The following NRXN1 variants were observed in gnomAD, a reference collection of about 807,000 sequenced individuals.
The protein encoded by NRXN1 is neurexin 1, also known as neurexin-1.
In NRXN1, 39 loss-of-function variants were observed where a neutral mutation model predicts 150.9. That is an observed-to-expected ratio of 0.26 (90% CI 0.20 to 0.34). NRXN1 has a LOEUF of 0.34. Ranked by LOEUF, NRXN1 falls within the 10% of genes least tolerant of loss-of-function variation. The pLI is 1.00. For synonymous variants in NRXN1, 924 were observed against 757.0 expected (o/e 1.22, Z -3.62); for missense variants, 1,815 against 1,949.9 (o/e 0.93, Z 1.30).
At chr2:50,995,896 T>C (rs1699213918) in intron 2 of NRXN1, among the ~76,000 whole-genome samples, 1 of 152,046 alleles carries the variant, frequency 6.6e-6, no homozygotes, top group African/African-American at 2.4e-5. Flanking sequence ...TCTCTCAGGG[T>C]AGGGAGGGAT....
intron 5 of NRXN1, among the ~76,000 whole-genome samples, chr2:50,850,672 C>T (rs1476914752): frequency 6.6e-6 from 1 of 151,980 alleles, no homozygotes; most frequent in East Asian, 1.9e-4. Context: ...GCTTAAAGAG[C>T]CATTTATTAT....
In NRXN1 at chr2:50,772,760, C is replaced by G. The variant is rs539452785; in HGVS notation, c.832+149109G>C. 3.7e-4 allele frequency among the ~76,000 whole-genome samples: 56 copies of G among 152,154 alleles called. 1 individual carries two copies. The highest frequency in any genetic ancestry group is 1.3e-3 in the African/African-American group (56 of 41,522). ...TGGGCCAATGTCCACACAGAGGTAA[C>G]TTTCCATGTAAAAAATTGGCAGGAA... On this transcript the variant is annotated intron_variant, in intron 5 of 22. Coordinates refer to ENST00000401669, the MANE Select transcript of NRXN1 (RefSeq NM_001330078.2).
In NRXN1 at chr2:50,062,509, T is replaced by C. The variant is rs576645235; in HGVS notation, c.3719-7465A>G. Among the ~76,000 whole-genome samples, 123 of 152,254 alleles carry C rather than the reference T, an allele frequency of 8.1e-4. 1 individual carries two copies. Among genetic ancestry groups the C allele is most frequent in the South Asian group, 6.6e-3 (32 of 4,824 alleles). On this transcript the variant is annotated intron_variant, in intron 19 of 22. Transcript: ENST00000401669. ...TTATCATTGCCCAAATGGACAAAAATACCATGTAACAATATTTGGTCACAT... is the reference window on the plus strand; with the variant it reads ...TTATCATTGCCCAAATGGACAAAAACACCATGTAACAATATTTGGTCACAT...
intron 18 of NRXN1, among the ~76,000 whole-genome samples, chr2:50,120,832 T>A (rs111982161): frequency 4.6e-5 from 7 of 152,298 alleles, no homozygotes; most frequent in African/African-American, 1.7e-4. Flanking sequence ...GCCACAAAAG[T>A]TATATTTCCA....
intron 17 of NRXN1, among the ~76,000 whole-genome samples, chr2:50,300,138 T>C (rs572333203): frequency 6.6e-6 from 1 of 152,170 alleles, no homozygotes; most frequent in Non-Finnish European, 1.5e-5. Flanking sequence ...TTAATGGACA[T>C]TTGTAAGCTA....
At chr2:50,836,733 A>G (rs1181730771) in intron 5 of NRXN1, among the ~76,000 whole-genome samples, 1 of 151,958 alleles carries the variant, frequency 6.6e-6, no homozygotes, top group African/African-American at 2.4e-5. Flanking sequence ...ATGGACACCC[A>G]GGTTGCTTCC....
At chr2:50,858,116 AAGAC>A (rs1675538403) in intron 5 of NRXN1, among the ~76,000 whole-genome samples, 1 of 151,804 alleles carries the variant, frequency 6.6e-6, no homozygotes, top group African/African-American at 2.4e-5. Context: ...CGAATGGATA[AAGAC>A]AAACTTTGGA....
At chr2:50,479,593 A>G (rs374105240) in intron 15 of NRXN1, among the ~76,000 whole-genome samples, 1 of 148,540 alleles carries the variant, frequency 6.7e-6, no homozygotes, top group African/African-American at 2.5e-5. Flanking sequence ...TTGTTGACTC[A>G]CTGAATGAAT....
chr2:50,981,159 T>G (rs1696722924), intron 2 of NRXN1, among the ~76,000 whole-genome samples: 1 of 151,952 alleles, frequency 6.6e-6, no homozygotes, highest in South Asian at 2.1e-4. Context: ...TTCCCAATAT[T>G]ATAAGAAACA....
intron 17 of NRXN1, among the ~76,000 whole-genome samples, chr2:50,445,014 G>T (rs2086277546): frequency 6.6e-6 from 1 of 152,020 alleles, no homozygotes; most frequent in African/African-American, 2.4e-5. Flanking sequence ...CAAAATAACT[G>T]GCATGCAGGA....
intron 17 of NRXN1, among the ~76,000 whole-genome samples, chr2:50,442,311 T>A (rs2086025060): frequency 6.6e-6 from 1 of 152,040 alleles, no homozygotes; most frequent in South Asian, 2.1e-4. Context: ...TCTATATATA[T>A]GAAATATTAC....
At chr2:50,801,563 G>T (rs755706013) in intron 5 of NRXN1, among the ~76,000 whole-genome samples, 1 of 152,064 alleles carries the variant, frequency 6.6e-6, no homozygotes, top group Admixed American at 6.6e-5. Flanking sequence ...TATGACACAA[G>T]CTTTGATATT....
rs79898652 is a variant in NRXN1, at chr2:50,470,900, T to C, written c.3244+1398A>G. Among the ~76,000 whole-genome samples, 26 of 151,898 alleles carry C rather than the reference T, an allele frequency of 1.7e-4. No individual in the cohort carries two copies. The East Asian group carries it at 4.9e-3, about 28-fold the overall frequency. The stretch of plus-strand genomic sequence containing the variant: ...ATAGAGAGCACAAAAGAAAAGAAGA[T>C]ACTTCAGTGCATTTCTGATATAGGA... On this transcript the variant is annotated intron_variant, in intron 16 of 22. Coordinates refer to ENST00000401669, the MANE Select transcript of NRXN1 (RefSeq NM_001330078.2).
chr2:51,011,349 C>T (rs1224712606), intron 2 of NRXN1, among the ~76,000 whole-genome samples: 2 of 151,832 alleles, frequency 1.3e-5, no homozygotes, highest in African/African-American at 2.4e-5. Context: ...GTAAGTGCTC[C>T]CCTGGGGACT....
At chr2:50,617,350 T>C (rs1050406144) in intron 8 of NRXN1, among the ~76,000 whole-genome samples, 1 of 151,670 alleles carries the variant, frequency 6.6e-6, no homozygotes, top group Non-Finnish European at 1.5e-5. Flanking sequence ...GCAGGAGAAT[T>C]GCTTGAACCC....
chr2:50,011,380 C>G (rs1383576961), intron 21 of NRXN1, among the ~76,000 whole-genome samples: 1 of 152,114 alleles, frequency 6.6e-6, no homozygotes, highest in Non-Finnish European at 1.5e-5. Context: ...GGCAGATACA[C>G]AGAAATAAAC....
chr2:49,968,004 A>G (rs1677250511), intron 21 of NRXN1, among the ~76,000 whole-genome samples: 1 of 152,048 alleles, frequency 6.6e-6, no homozygotes, highest in Admixed American at 6.6e-5. Context: ...AAATAATACT[A>G]TTGATGACCA....
chr2:50,337,635 G>T (rs1396351226), intron 17 of NRXN1, among the ~76,000 whole-genome samples: 1 of 152,032 alleles, frequency 6.6e-6, no homozygotes, highest in African/African-American at 2.4e-5. Context: ...GATATAATTG[G>T]CCATTTACTA....
chr2:49,962,025 T>C (rs1676051970), intron 21 of NRXN1, among the ~76,000 whole-genome samples: 1 of 152,104 alleles, frequency 6.6e-6, no homozygotes, highest in Non-Finnish European at 1.5e-5. Flanking sequence ...GGAGGGTCAC[T>C]TGAGTCCAGC....
Sources: allele counts gnomAD v4.1 joint callset (sites outside exome capture counted in the v4.1 genomes callset), GRCh38; gene constraint gnomAD v4.1.1; transcripts MANE v1.5; gene names NCBI Gene and HGNC (gene_info 2026-07-23, HGNC 2026-07-21).